The following KDM6A variants were observed in gnomAD, a reference collection of about 807,000 sequenced individuals.
KDM6A encodes the protein lysine-specific demethylase 6A.
Under a neutral mutation model 117.6 loss-of-function variants are expected in KDM6A, and 11 were observed. That is an observed-to-expected ratio of 0.09 (90% CI 0.06 to 0.15). KDM6A has a LOEUF of 0.15. KDM6A is among the 10% of genes least tolerant of loss of function. KDM6A has a pLI of 1.00. For missense variants in KDM6A, 799 were observed against 1,077.3 expected (o/e 0.74, Z 3.62); for synonymous variants, 384 against 396.1 (o/e 0.97, Z 0.36).
At chrX:44,968,076 G>C (rs1012877754) in intron 3 of KDM6A, among the ~76,000 whole-genome samples, 1 of 112,438 alleles carries the variant, frequency 8.9e-6, no homozygotes, top group African/African-American at 3.2e-5. Context: ...GGTAGAACCA[G>C]TATTGGACAG....
chrX:45,074,086 T>C (rs1248722460), intron 18 of KDM6A, among the ~76,000 whole-genome samples: 1 of 112,224 alleles, frequency 8.9e-6, no homozygotes, highest in Non-Finnish European at 1.9e-5. Context: ...TTCAGCTTTC[T>C]ACATATGACC....
Position 45,059,483 on chromosome X carries a change from G to A in KDM6A, c.1194+17G>A, listed in dbSNP as rs371918621. ...TATTTACAGGTAAAATTTTTAAATG[G>A]CAGTTTTTTAAAGCCACATATTTCC... On this transcript the variant is annotated intron_variant, in intron 12 of 29. Coordinates refer to ENST00000611820, the MANE Select transcript of KDM6A (RefSeq NM_001291415.2). 524 of 1,129,859 alleles carry A rather than the reference G, an allele frequency of 4.6e-4. 3 individuals carry two copies. Among genetic ancestry groups the A allele is most frequent in the Non-Finnish European group, 8.0e-5 (66 of 826,951 alleles). 93.1% of individuals were successfully genotyped at this position (1,129,859 alleles called of 1,213,427 possible).
chrX:44,979,584 A>G (rs776855431), intron 4 of KDM6A, among the ~76,000 whole-genome samples: 3 of 111,335 alleles, frequency 2.7e-5, no homozygotes, highest in Non-Finnish European at 5.7e-5. Flanking sequence ...TATTGTTTCA[A>G]TGAGGTCCAT....
intron 4 of KDM6A, among the ~76,000 whole-genome samples, chrX:44,982,439 A>G (rs751343246): frequency 1.8e-5 from 2 of 111,882 alleles, no homozygotes; most frequent in South Asian, 7.3e-4. Flanking sequence ...CATACTATCT[A>G]TATGAATGTA....
Position 44,878,465 on chromosome X carries a change from C to G in KDM6A, c.225+4478C>G, listed in dbSNP as rs749457178. On this transcript the variant is annotated intron_variant, in intron 2 of 29. Transcript: ENST00000611820. ...AGTTTGGAAGATTGTCTTCTGAACA[C>G]TTGCAGTCTTAATTTTTTACGTGGA... Among the ~76,000 whole-genome samples, 5 of 112,116 alleles carry G rather than the reference C, an allele frequency of 4.5e-5. No individual in the cohort carries two copies. In the South Asian group the frequency reaches 1.5e-3, roughly 33 times the overall value.
At chrX:44,964,890 T>C (rs1364580314) in intron 3 of KDM6A, among the ~76,000 whole-genome samples, 1 of 112,310 alleles carries the variant, frequency 8.9e-6, no homozygotes, top group African/African-American at 3.2e-5. Context: ...AAGTCCTACA[T>C]CTGAAAGTCC....
intron 3 of KDM6A, among the ~76,000 whole-genome samples, chrX:44,964,379 G>C (rs770813824): frequency 3.7e-4 from 39 of 106,355 alleles, no homozygotes; most frequent in African/African-American, 1.2e-3. Flanking sequence ...AACCCAGAAG[G>C]GGGAGGTTGC....
rs764593622 is a variant in KDM6A, at chrX:44,901,099, G to C, written c.225+27112G>C. Among the ~76,000 whole-genome samples the C allele has an allele frequency of 6.3e-5, 7 of 111,543 alleles. No individual in the cohort carries two copies. In the South Asian group the frequency reaches 2.6e-3, roughly 41 times the overall value. On this transcript the variant is annotated intron_variant, in intron 2 of 29. Transcript: ENST00000611820. ...TTAATTCTTTTAAAATTATGAGGAC[G>C]GCCAGGTGCAGTGGCTCACGCCTGT... is the stretch of plus-strand genomic sequence containing the variant.
intron 27 of KDM6A, among the ~76,000 whole-genome samples, chrX:45,102,913 A>G (rs976120792): frequency 2.7e-5 from 3 of 110,611 alleles, no homozygotes; most frequent in Non-Finnish European, 3.8e-5. Context: ...CCCTGGAGTG[A>G]CAGGTGGCAA....
At chrX:45,086,255 C>T (rs1337107023) in intron 25 of KDM6A, 11 of 271,404 alleles carry the variant, frequency 4.1e-5, no homozygotes, top group Non-Finnish European at 2.6e-5. Flanking sequence ...TAAAATGATG[C>T]ATACTTATTC....
intron 4 of KDM6A, among the ~76,000 whole-genome samples, chrX:45,005,686 G>A (rs1186177002): frequency 9.1e-6 from 1 of 110,277 alleles, no homozygotes; most frequent in Non-Finnish European, 1.9e-5. Context: ...GGCTATCTGG[G>A]GGGATATCTT....
intron 3 of KDM6A, among the ~76,000 whole-genome samples, chrX:44,974,251 T>C (rs1284136335): frequency 2.7e-5 from 3 of 111,528 alleles, no homozygotes; most frequent in African/African-American, 9.8e-5. Context: ...CAATTGCTTC[T>C]CAAATAGTTT....
At chrX:44,917,469 A>G (rs2035636073) in intron 2 of KDM6A, among the ~76,000 whole-genome samples, 1 of 111,908 alleles carries the variant, frequency 8.9e-6, no homozygotes, top group South Asian at 3.7e-4. Context: ...GATGTGTTAT[A>G]TCTGTGTAGT....
intron 2 of KDM6A, among the ~76,000 whole-genome samples, chrX:44,880,645 A>C (rs1204271711): frequency 3.7e-5 from 4 of 108,026 alleles, no homozygotes; most frequent in African/African-American, 6.8e-5. Flanking sequence ...ACAAAAAATT[A>C]GCCAGGCGTG....
chrX:44,963,614 G>A (rs1297955029), intron 3 of KDM6A, among the ~76,000 whole-genome samples: 1 of 110,689 alleles, frequency 9.0e-6, no homozygotes, highest in Non-Finnish European at 1.9e-5. Flanking sequence ...TTCTAATTCT[G>A]TTTCTTTTGC....
intron 24 of KDM6A, among the ~76,000 whole-genome samples, chrX:45,084,384 G>A (rs1448326994): frequency 8.9e-6 from 1 of 111,883 alleles, no homozygotes; most frequent in East Asian, 2.8e-4. Context: ...AATTAGAAGA[G>A]ATACTGTTGA....
chrX:44,908,572 G>T, intron 2 of KDM6A, among the ~76,000 whole-genome samples: 1 of 111,378 alleles, frequency 9.0e-6, no homozygotes, highest in East Asian at 2.8e-4. Context: ...GAAGCTCAGG[G>T]ATCCAAGAGT....
intron 23 of KDM6A, among the ~76,000 whole-genome samples, 179 bp downstream of exon 23, chrX:45,082,968 A>T (rs1332060201): frequency 5.4e-5 from 6 of 110,201 alleles, no homozygotes; most frequent in African/African-American, 9.9e-5. Flanking sequence ...ATTTTTTTTT[A>T]AAAATAGAGA....
chrX:44,886,265 G>T (rs1223395105), intron 2 of KDM6A, among the ~76,000 whole-genome samples: 3 of 110,098 alleles, frequency 2.7e-5, no homozygotes, highest in Admixed American at 9.8e-5. Flanking sequence ...GGTCAGGCTG[G>T]TCTCGAACCC....
Sources: allele counts gnomAD v4.1 joint callset (sites outside exome capture counted in the v4.1 genomes callset), GRCh38; gene constraint gnomAD v4.1.1; transcripts MANE v1.5; gene names NCBI Gene and HGNC (gene_info 2026-07-23, HGNC 2026-07-21).